Variants in TMEM200A observed in about 807,000 individuals in gnomAD.
The protein encoded by TMEM200A is two transmembrane C.
Under a neutral mutation model 24.3 loss-of-function variants are expected in TMEM200A, and 12 were observed. The observed-to-expected ratio is 0.49, with a 90% CI of 0.32 to 0.80. TMEM200A has a LOEUF of 0.80. Ranked by LOEUF, TMEM200A falls within the 30% of genes least tolerant of loss-of-function variation. TMEM200A has a pLI of 0.04. For missense variants in TMEM200A, 545 were observed against 614.4 expected (o/e 0.89, Z 1.19); for synonymous variants, 224 against 224.4 (o/e 1.00, Z 0.02).
intron 2 of TMEM200A, among the ~76,000 whole-genome samples, chr6:130,406,145 C>G (rs1447492460): frequency 6.6e-6 from 1 of 152,162 alleles, no homozygotes; most frequent in Non-Finnish European, 1.5e-5. Flanking sequence ...TTCCTCTTGG[C>G]TCCTTTCCGT....
intron 1 of TMEM200A, chr6:130,383,052 T>C (rs1038225318): frequency 1.0e-6 from 1 of 985,414 alleles, no homozygotes; most frequent in Non-Finnish European, 1.2e-6. Context: ...ACTGTGTTTG[T>C]GACTCCTCCT....
At chr6:130,374,032 T>C (rs1418409879) in intron 1 of TMEM200A, among the ~76,000 whole-genome samples, 2 of 48,540 alleles carry the variant, frequency 4.1e-5, no homozygotes, top group Non-Finnish European at 6.1e-5. Context: ...AATTTACTTA[T>C]GTTTCTGAAC....
At chr6:130,390,326 T>A (rs1778805982) in intron 2 of TMEM200A, among the ~76,000 whole-genome samples, 1 of 152,240 alleles carries the variant, frequency 6.6e-6, no homozygotes, top group African/African-American at 2.4e-5. Context: ...AAACCATAGC[T>A]GTAGAGCAAA....
intron 2 of TMEM200A, among the ~76,000 whole-genome samples, chr6:130,431,349 A>T (rs1016109306): frequency 2.6e-5 from 4 of 152,124 alleles, no homozygotes; most frequent in Non-Finnish European, 4.4e-5. Flanking sequence ...AAAAAGTCCA[A>T]TTTGTGATTT....
At chr6:130,424,597 G>T (rs923032903) in intron 2 of TMEM200A, among the ~76,000 whole-genome samples, 2 of 151,964 alleles carry the variant, frequency 1.3e-5, no homozygotes, top group Non-Finnish European at 2.9e-5. Context: ...TCTAAGTAAG[G>T]CTGTAGACCT....
chr6:130,387,964 G>A (rs529712101), intron 2 of TMEM200A, among the ~76,000 whole-genome samples: 2 of 152,096 alleles, frequency 1.3e-5, no homozygotes, highest in South Asian at 2.1e-4. Context: ...ATTGATTTGC[G>A]GTTAGTTTCT....
chr6:130,367,760 T>G lies in TMEM200A; in HGVS notation c.-81+1236T>G, dbSNP rs144672870. Among the ~76,000 whole-genome samples, 145 of 152,372 alleles carry G rather than the reference T, an allele frequency of 9.5e-4. 2 individuals carry two copies. The highest frequency in any genetic ancestry group is 1.7e-3 in the Non-Finnish European group (117 of 68,038). On this transcript the variant is annotated intron_variant, in intron 1 of 2. Transcript: ENST00000296978. Reference sequence around the variant, plus strand: ...CCATTAAGTGGAAACTATAGTTAAATGCTTTGACAATTTAACAGTATGATT... The same window carrying G: ...CCATTAAGTGGAAACTATAGTTAAAGGCTTTGACAATTTAACAGTATGATT...
At chr6:130,418,233 TCAAAACACAC>T (rs1399567825) in intron 2 of TMEM200A, among the ~76,000 whole-genome samples, 1 of 152,174 alleles carries the variant, frequency 6.6e-6, no homozygotes, top group Non-Finnish European at 1.5e-5. Flanking sequence ...ATATTCATAA[TCAAAACACAC>T]CAAAACAACT....
chr6:130,421,376 ATTTT>A (rs1472047321), intron 2 of TMEM200A: 4 of 152,076 alleles, frequency 2.6e-5, no homozygotes, highest in African/African-American at 4.8e-5. Flanking sequence ...TTTTACTTAG[ATTTT>A]TTTGTTTGTT....
chr6:130,371,518 A>G (rs1778321095), intron 1 of TMEM200A, among the ~76,000 whole-genome samples: 1 of 152,172 alleles, frequency 6.6e-6, no homozygotes, highest in Admixed American at 6.6e-5. Context: ...AGGACCAGCT[A>G]AAGGTTGGCC....
At chr6:130,383,507 A>G (rs1315559968) in intron 1 of TMEM200A, among the ~76,000 whole-genome samples, 1 of 152,116 alleles carries the variant, frequency 6.6e-6, no homozygotes, top group East Asian at 1.9e-4. Flanking sequence ...TCCCATAGCC[A>G]TCTTCACTCA....
intron 2 of TMEM200A, among the ~76,000 whole-genome samples, chr6:130,416,941 C>A (rs1488868153): frequency 6.6e-6 from 1 of 152,166 alleles, no homozygotes; most frequent in Non-Finnish European, 1.5e-5. Flanking sequence ...TTGGCACATG[C>A]TAGTCTTCCC....
chr6:130,415,451 G>A (rs961260686), intron 2 of TMEM200A, among the ~76,000 whole-genome samples: 2 of 152,132 alleles, frequency 1.3e-5, no homozygotes, highest in East Asian at 1.9e-4. Context: ...CATTATTAAC[G>A]AATTGCACCA....
intron 2 of TMEM200A, among the ~76,000 whole-genome samples, chr6:130,408,052 G>A (rs980229604): frequency 2.0e-5 from 3 of 152,126 alleles, no homozygotes; most frequent in Admixed American, 6.5e-5. Context: ...GGTAAAGCAC[G>A]GTCAAGGAGT....
At chr6:130,433,214 G>A (rs2115216290) in intron 2 of TMEM200A, among the ~76,000 whole-genome samples, 1 of 148,314 alleles carries the variant, frequency 6.7e-6, no homozygotes, top group Non-Finnish European at 1.5e-5. Context: ...TCGGCTCACT[G>A]CTATCTCCAC....
chr6:130,441,057 C>G lies in TMEM200A; in HGVS notation c.635C>G (p.Ser212Cys). 5 of 1,613,964 alleles carry G rather than the reference C, an allele frequency of 3.1e-6. No individual in the cohort carries two copies. The highest frequency in any genetic ancestry group is 4.2e-6 in the Non-Finnish European group (5 of 1,179,968). Reference protein sequence around the residue: ...ASRLAANTIASFSGFRSSFRM... With the variant: ...ASRLAANTIACFSGFRSSFRM... ...AGATTGGCAGCAAATACGATCGCCTCTTTCTCGGGTTTTCGGAGCAGTTTT... is the reference window on the plus strand; with the variant it reads ...AGATTGGCAGCAAATACGATCGCCTGTTTCTCGGGTTTTCGGAGCAGTTTT... The change falls in exon 3 of 3, where the codon TCT becomes TGT. Residue 212 changes from serine to cysteine, a missense_variant. Physicochemically the swap from Ser to Cys is moderately radical, Grantham distance 112. Transcript: ENST00000296978.
intron 2 of TMEM200A, among the ~76,000 whole-genome samples, chr6:130,436,630 CCTTTTT>C (rs1188126483): frequency 0.024 from 1,625 of 66,596 alleles, 187 homozygotes; most frequent in Non-Finnish European, 0.036. Context: ...TTTTCTTTAT[CCTTTTT>C]TTTTTTTTTT....
intron 1 of TMEM200A, among the ~76,000 whole-genome samples, chr6:130,374,481 T>A (rs1583171351): frequency 6.6e-6 from 1 of 152,042 alleles, no homozygotes; most frequent in East Asian, 1.9e-4. Context: ...AGTGGCATGA[T>A]CTGAGCTCAC....
intron 1 of TMEM200A, among the ~76,000 whole-genome samples, chr6:130,371,928 A>C (rs1032230730): frequency 1.3e-5 from 2 of 152,236 alleles, no homozygotes; most frequent in South Asian, 2.1e-4. Context: ...TCAGGGAAGG[A>C]GCTAACGTTT....
Sources: allele counts gnomAD v4.1 joint callset (sites outside exome capture counted in the v4.1 genomes callset), GRCh38; gene constraint gnomAD v4.1.1; transcripts MANE v1.5; gene names NCBI Gene and HGNC (gene_info 2026-07-23, HGNC 2026-07-21).